The following ZNF215 variants were observed in gnomAD, a reference collection of about 807,000 sequenced individuals.
ZNF215 encodes the protein BWSCR2-associated zinc finger protein 2.
Under a neutral mutation model 27.2 loss-of-function variants are expected in ZNF215, and 24 were observed. The ratio of observed to expected loss-of-function variants is 0.88; its 90% CI spans 0.64 to 1.24. The LOEUF (loss-of-function observed/expected upper bound fraction) is 1.24, where lower values mean the gene tolerates loss of function less well. Among genes scored for constraint, ZNF215 ranks in the 50% most tolerant of loss-of-function variants. ZNF215 has a pLI of 0.00. For missense variants in ZNF215, 675 were observed against 605.7 expected, an observed-to-expected ratio of 1.11 and a Z score of -1.20; for synonymous variants, 210 against 204.0, an observed-to-expected ratio of 1.03 and a Z score of -0.25.
At chr11:6,973,980 A>C (rs1301049712) in intron 5 of ZNF215, among the ~76,000 whole-genome samples, 1 of 151,998 alleles carries the variant, frequency 6.6e-6, no homozygotes, top group African/African-American at 2.4e-5. Context: ...ATTTCTATGT[A>C]CTGAATGGTA....
intron 5 of ZNF215, among the ~76,000 whole-genome samples, chr11:6,981,686 T>C (rs186250774): frequency 5.3e-5 from 8 of 152,298 alleles, no homozygotes; most frequent in Admixed American, 5.2e-4. Context: ...TCCTTGCCCA[T>C]GCCTATGTCT....
chr11:6,982,188 A>C (rs1850967781), intron 5 of ZNF215, among the ~76,000 whole-genome samples: 1 of 152,048 alleles, frequency 6.6e-6, no homozygotes, highest in Non-Finnish European at 1.5e-5. Flanking sequence ...GAGTCTATAA[A>C]TTACCCGGGG....
chr11:6,933,841 T>C (rs1220724155), intron 3 of ZNF215, among the ~76,000 whole-genome samples: 1 of 139,082 alleles, frequency 7.2e-6, no homozygotes, highest in African/African-American at 2.7e-5. Flanking sequence ...TTACAGGAAA[T>C]ACAGAGGATA....
chr11:6,989,756 A>G (rs2133365935), downstream of ZNF215, among the ~76,000 whole-genome samples: 1 of 152,320 alleles, frequency 6.6e-6, no homozygotes, highest in East Asian at 1.9e-4. Flanking sequence ...AGTTGGCTCA[A>G]TATTGCAACC....
intron 5 of ZNF215, among the ~76,000 whole-genome samples, chr11:6,967,042 T>C (rs760438286): frequency 8.5e-5 from 13 of 152,102 alleles, no homozygotes; most frequent in Non-Finnish European, 1.8e-4. Flanking sequence ...CTCCTACTTA[T>C]GAGTGAGAAC....
intron 3 of ZNF215, among the ~76,000 whole-genome samples, chr11:6,937,914 A>G (rs1849494476): frequency 6.6e-6 from 1 of 151,926 alleles, no homozygotes; most frequent in East Asian, 1.9e-4. Context: ...AAATATAGAA[A>G]TAACTCTTCA....
At chr11:6,953,967 G>C (rs1174347279) in intron 6 of ZNF215, among the ~76,000 whole-genome samples, 1 of 152,168 alleles carries the variant, frequency 6.6e-6, no homozygotes, top group African/African-American at 2.4e-5. Flanking sequence ...AGGACCCTCA[G>C]CTGCAGGTCT....
At chr11:6,955,004 C>T (rs1850267922) in intron 6 of ZNF215, among the ~76,000 whole-genome samples, 1 of 152,056 alleles carries the variant, frequency 6.6e-6, no homozygotes, top group South Asian at 2.1e-4. Context: ...GAAATGAGGA[C>T]AGGTGAAAGG....
intron 5 of ZNF215, among the ~76,000 whole-genome samples, chr11:6,974,972 G>A (rs890437373): frequency 2.0e-5 from 3 of 152,124 alleles, no homozygotes; most frequent in African/African-American, 4.8e-5. Flanking sequence ...TCTTGTGCCA[G>A]TTTTCAAAGG....
intron 6 of ZNF215, among the ~76,000 whole-genome samples, chr11:6,949,381 C>A (rs903323096): frequency 6.6e-6 from 1 of 152,120 alleles, no homozygotes; most frequent in Non-Finnish European, 1.5e-5. Flanking sequence ...TAAAAGTGTT[C>A]CTGTTTCTCC....
At chr11:6,989,190 CA>C (rs556413428), downstream of ZNF215, among the ~76,000 whole-genome samples, 415 of 145,756 alleles carry the variant, frequency 2.8e-3, 2 homozygotes, top group Admixed American at 5.8e-3. Context: ...TATGTTGGTG[CA>C]AAAGTAATTG....
At chr11:6,967,096 T>C (rs971998843) in intron 5 of ZNF215, among the ~76,000 whole-genome samples, 2 of 152,166 alleles carry the variant, frequency 1.3e-5, no homozygotes, top group African/African-American at 4.8e-5. Context: ...TTGCTGAGAA[T>C]GATGGTTTTC....
In ZNF215 at chr11:6,973,275, T is replaced by C. The variant is rs572546159; in HGVS notation, c.806-10854T>C. 9.1e-4 allele frequency among the ~76,000 whole-genome samples: 139 copies of C among 152,336 alleles called. 3 individuals are homozygous for C. Among genetic ancestry groups the C allele is most frequent in the Admixed American group, 8.6e-3 (132 of 15,302 alleles). On this transcript the variant is annotated intron_variant, in intron 5 of 5. Transcript: ENST00000529903. ...TATTCCATGGTGTATATGTGCCACATTTTCTTAATCCAGTCTATCATTGAT... is the reference window on the plus strand; with the variant it reads ...TATTCCATGGTGTATATGTGCCACACTTTCTTAATCCAGTCTATCATTGAT...
At chr11:6,945,933 G>A (rs777108677) in intron 6 of ZNF215, among the ~76,000 whole-genome samples, 19 of 152,302 alleles carry the variant, frequency 1.2e-4, no homozygotes, top group Non-Finnish European at 2.5e-4. Context: ...ATATCTTAAA[G>A]ATGCCTTAAA....
intron 6 of ZNF215, 107 bp from the exon 7 acceptor site, chr11:6,955,583 C>T: frequency 8.5e-7 from 1 of 1,171,220 alleles, no homozygotes; most frequent in Non-Finnish European, 1.1e-6. Context: ...CATTTCCATT[C>T]TGTATTTAAG....
chr11:6,986,829 T>C (rs1851060589), downstream of ZNF215, among the ~76,000 whole-genome samples: 1 of 147,988 alleles, frequency 6.8e-6, no homozygotes, highest in East Asian at 2.2e-4. Flanking sequence ...AAATGACTTT[T>C]GTTAAAAAGT....
Position 6,954,563 on chromosome 11 carries a change from G to T in ZNF215, c.713-1127G>T, listed in dbSNP as rs186855254. Among the ~76,000 whole-genome samples the T allele has an allele frequency of 2.0e-5, 3 of 152,348 alleles. No homozygotes were observed. In the East Asian group the frequency reaches 5.8e-4, roughly 29 times the overall value. The stretch of plus-strand genomic sequence containing the variant: ...CAGGTGCAGGATATAATCTCCTGGT[G>T]CGCCATTTTTTAAGCCTGTCGGGAA... On this transcript the variant is annotated intron_variant, in intron 6 of 6. Coordinates refer to ENST00000278319, the MANE Select transcript of ZNF215 (RefSeq NM_013250.4).
At position 6,957,201 on chromosome 11, in the gene ZNF215, G is replaced by C. The variant is rs1165451314; in HGVS notation, c.*670G>C. ...TAGCAGGTCCTTGAAAAATGTTTTT[G>C]TTTTGTTATAATGTTATAATTGTTA... On this transcript the variant is annotated 3_prime_UTR_variant, in exon 7 of 7. Transcript: ENST00000278319. The C allele has an allele frequency of 2.0e-6, 2 of 984,396 alleles. No homozygotes were observed. Among genetic ancestry groups the C allele is most frequent in the Non-Finnish European group, 2.4e-6 (2 of 829,010 alleles). The allele number at this position is 984,396 out of a possible 1,614,324, so 61.0% of individuals were successfully genotyped here.
intron 6 of ZNF215, among the ~76,000 whole-genome samples, chr11:6,954,662 GA>G (rs1429693876): frequency 3.3e-5 from 5 of 152,184 alleles, no homozygotes; most frequent in Non-Finnish European, 7.4e-5. Context: ...CTAGGAAAGG[GA>G]ACTCCCTGAC....
Sources: gnomAD v4.1 joint callset for allele counts (sites outside exome capture counted in the v4.1 genomes callset) on GRCh38, gnomAD v4.1.1 for gene constraint, MANE v1.5 for transcripts, NCBI Gene and HGNC (gene_info 2026-07-23, HGNC 2026-07-21) for gene names.